CTNNA3: variants seen among roughly 807,000 people sequenced by gnomAD.
CTNNA3 encodes the protein catenin alpha-3.
CTNNA3 carries 76 observed loss-of-function variants against 95.7 expected under a neutral mutation model. The ratio of observed to expected loss-of-function variants is 0.79; its 90% CI spans 0.66 to 0.96. CTNNA3 has a LOEUF of 0.96. Among genes scored for constraint, CTNNA3 ranks in the 40% least tolerant of loss-of-function variants. The pLI, the probability that CTNNA3 is intolerant of heterozygous loss-of-function variation, is 0.00. For missense variants in CTNNA3, 1,191 were observed against 1,089.8 expected, an observed-to-expected ratio of 1.09 and a Z score of -1.31; for synonymous variants, 431 against 374.4, an observed-to-expected ratio of 1.15 and a Z score of -1.74.
At chr10:66,314,411 T>C (rs1046612060) in intron 12 of CTNNA3, among the ~76,000 whole-genome samples, 2 of 150,504 alleles carry the variant, frequency 1.3e-5, no homozygotes, top group African/African-American at 4.8e-5. Context: ...TTTTAAAATA[T>C]CATGTGTGGA....
intron 10 of CTNNA3, among the ~76,000 whole-genome samples, chr10:66,552,655 T>TTTTTTTTTTTTTGAGACGG (rs1564528645): frequency 6.6e-6 from 1 of 152,054 alleles, no homozygotes; most frequent in African/African-American, 2.4e-5. Flanking sequence ...TATTTTTTTC[T>TTTTTTTTTTTTTGAGACGG]AGGGATTTTG....
chr10:66,837,072 G>T (rs1842909803), intron 7 of CTNNA3, among the ~76,000 whole-genome samples: 1 of 151,840 alleles, frequency 6.6e-6, no homozygotes, highest in African/African-American at 2.4e-5. Context: ...AAAAATTCCT[G>T]ATCAATGTGC....
chr10:66,919,650 T>G (rs1249973770), intron 7 of CTNNA3, among the ~76,000 whole-genome samples: 1 of 152,236 alleles, frequency 6.6e-6, no homozygotes, highest in Non-Finnish European at 1.5e-5. Flanking sequence ...TTTATTCATT[T>G]ATCTAAGTCA....
intron 1 of CTNNA3, among the ~76,000 whole-genome samples, chr10:67,666,753 C>T (rs1224859352): frequency 2.0e-5 from 3 of 151,932 alleles, no homozygotes; most frequent in African/African-American, 7.3e-5. Flanking sequence ...AGAAATATCC[C>T]ATTTTATTTT....
At chr10:67,147,727 C>T (rs1589794908) in intron 7 of CTNNA3, among the ~76,000 whole-genome samples, 1 of 152,104 alleles carries the variant, frequency 6.6e-6, no homozygotes, top group Admixed American at 6.5e-5. Flanking sequence ...TTCTCATAAT[C>T]AGGCTCTTTT....
intron 11 of CTNNA3, among the ~76,000 whole-genome samples, chr10:66,506,978 T>C (rs1840470768): frequency 6.6e-6 from 1 of 152,174 alleles, no homozygotes; most frequent in South Asian, 2.1e-4. Context: ...AAATATCATA[T>C]TGAGATTTAA....
At chr10:67,234,630 C>T (rs561986636) in intron 5 of CTNNA3, among the ~76,000 whole-genome samples, 51 of 151,800 alleles carry the variant, frequency 3.4e-4, no homozygotes, top group African/African-American at 1.2e-3. Context: ...TCTCACCACT[C>T]CTATTCAACA....
intron 13 of CTNNA3, among the ~76,000 whole-genome samples, chr10:66,211,214 G>A (rs185744772): frequency 3.3e-5 from 5 of 152,262 alleles, no homozygotes; most frequent in South Asian, 2.1e-4. Flanking sequence ...TGGCCAAGGC[G>A]TGAACATATA....
At chr10:67,191,242 G>T (rs566806528) in intron 6 of CTNNA3, among the ~76,000 whole-genome samples, 54 of 152,102 alleles carry the variant, frequency 3.6e-4, no homozygotes, top group African/African-American at 1.2e-3. Context: ...ATTCCTGGAA[G>T]TCCTAGCCAG....
At chr10:66,368,817 A>T (rs2092732059) in intron 12 of CTNNA3, among the ~76,000 whole-genome samples, 1 of 152,106 alleles carries the variant, frequency 6.6e-6, no homozygotes, top group Non-Finnish European at 1.5e-5. Context: ...CCATACTTTA[A>T]TTCCTCTTTT....
chr10:66,370,413 T>C (rs1388228218), intron 12 of CTNNA3, among the ~76,000 whole-genome samples: 1 of 152,180 alleles, frequency 6.6e-6, no homozygotes, highest in Non-Finnish European at 1.5e-5. Context: ...CCAGTTTGTC[T>C]ACATTTTTAA....
chr10:66,603,124 T>A (rs959435283), intron 10 of CTNNA3, among the ~76,000 whole-genome samples: 2 of 152,010 alleles, frequency 1.3e-5, no homozygotes, highest in Non-Finnish European at 2.9e-5. Flanking sequence ...AGAAAGGGCA[T>A]CCAAATTAAA....
At chr10:66,127,852 G>A (rs551309937) in intron 13 of CTNNA3, among the ~76,000 whole-genome samples, 10 of 152,176 alleles carry the variant, frequency 6.6e-5, no homozygotes, top group Admixed American at 1.3e-4. Context: ...CGAGGCGGGC[G>A]AATCACGAGG....
At chr10:66,911,014 G>A (rs1564760560) in intron 7 of CTNNA3, among the ~76,000 whole-genome samples, 1 of 152,142 alleles carries the variant, frequency 6.6e-6, no homozygotes, top group Non-Finnish European at 1.5e-5. Context: ...CAAGAAGGAA[G>A]CAATAATTCT....
At chr10:66,697,650 T>C (rs958730210) in intron 9 of CTNNA3, among the ~76,000 whole-genome samples, 2 of 152,172 alleles carry the variant, frequency 1.3e-5, no homozygotes, top group African/African-American at 4.8e-5. Context: ...AAATGCTCAA[T>C]GTGCTCGTCT....
chr10:66,550,799 G>T, intron 10 of CTNNA3, among the ~76,000 whole-genome samples: 1 of 149,110 alleles, frequency 6.7e-6, no homozygotes, highest in Non-Finnish European at 1.5e-5. Context: ...TTGATTTTCT[G>T]CTTATAAATC....
chr10:67,135,334 A>C (rs1367116306), intron 7 of CTNNA3, among the ~76,000 whole-genome samples: 1 of 152,046 alleles, frequency 6.6e-6, no homozygotes, highest in Non-Finnish European at 1.5e-5. Context: ...AATGAGAGTA[A>C]ATCTTTTGTG....
intron 15 of CTNNA3, among the ~76,000 whole-genome samples, chr10:66,024,128 C>T (rs147680546): frequency 8.6e-4 from 101 of 117,066 alleles, no homozygotes; most frequent in Middle Eastern, 0.015. Flanking sequence ...CTCGCTCTGT[C>T]GCCCAGGCTG....
At position 66,280,549 on chromosome 10, in the gene CTNNA3, T is replaced by C; in HGVS notation, c.1805A>G (p.Asp602Gly). The C allele has an allele frequency of 6.2e-7, 1 of 1,610,042 alleles. No homozygotes were observed. The highest frequency in any genetic ancestry group is 8.5e-7 in the Non-Finnish European group (1 of 1,177,730). Residue 602 changes from aspartate (D) to glycine (G), a missense_variant, in exon 13 of 18, where the codon GAT (aspartate) becomes GGT (glycine). Coordinates refer to ENST00000433211, the MANE Select transcript of CTNNA3 (RefSeq NM_013266.4). ...ALSKSSLNVL[D>G]DNQFVDISKK... ...TGAGATGTCCACAAATTGATTATCA[T>C]CCAACACATTCAATGAGCTTTTGCT...
Sources: gnomAD v4.1 joint callset for allele counts (sites outside exome capture counted in the v4.1 genomes callset) on GRCh38, gnomAD v4.1.1 for gene constraint, MANE v1.5 for transcripts, NCBI Gene and HGNC (gene_info 2026-07-23, HGNC 2026-07-21) for gene names.